Variants in PRR33 observed in about 807,000 individuals in gnomAD.
PRR33 encodes proline-rich protein 33.
A neutral mutation model predicts 0.5 loss-of-function variants in PRR33; 1 was observed. The observed-to-expected ratio is 2.18, with a 90% CI of 0.77 to 10.34. The LOEUF (loss-of-function observed/expected upper bound fraction) is 10.34, where lower values mean the gene tolerates loss of function less well. Ranked by LOEUF, PRR33 falls within the 30% of genes most tolerant of loss-of-function variation. The probability of loss-of-function intolerance (pLI) is 0.13; values close to 1 mark genes in which losing one functional copy is unlikely to be tolerated. For missense variants in PRR33, 552 were observed against 251.8 expected (o/e 2.19, Z -8.07); for synonymous variants, 226 against 110.0 (o/e 2.06, Z -6.60).
the PRR33 span, among the ~76,000 whole-genome samples, chr11:1,903,709 G>A: frequency 2.6e-5 from 4 of 152,106 alleles, no homozygotes; most frequent in Non-Finnish European, 5.9e-5. Context: ...GAAGGTGCTC[G>A]GTTTTTCAGA....
chr11:1,912,900 G>A, the PRR33 span, among the ~76,000 whole-genome samples: 1 of 152,156 alleles, frequency 6.6e-6, no homozygotes, highest in African/African-American at 2.4e-5. Context: ...GAGCCACTGC[G>A]CCCGGCCAAC....
the PRR33 span, among the ~76,000 whole-genome samples, chr11:1,909,444 C>G: frequency 6.6e-6 from 1 of 151,932 alleles, no homozygotes; most frequent in Non-Finnish European, 1.5e-5. Flanking sequence ...AACCCCATCT[C>G]TACTAAAAAT....
At chr11:1,895,660 G>T (rs1226822044), upstream of PRR33, among the ~76,000 whole-genome samples, 1 of 152,042 alleles carries the variant, frequency 6.6e-6, no homozygotes, top group Non-Finnish European at 1.5e-5. Flanking sequence ...TGTTTTTATG[G>T]CTCCAGCTTT....
At chr11:1,891,725 C>T (rs1849008828) in exon 1 of PRR33, 1 of 152,742 alleles carries the variant, frequency 6.5e-6, no homozygotes, top group Non-Finnish European at 1.5e-5. Flanking sequence ...TGTGGCCCCT[C>T]CCTGGACCCT....
At chr11:1,915,419 C>T in the PRR33 span, among the ~76,000 whole-genome samples, 7 of 134,914 alleles carry the variant, frequency 5.2e-5, no homozygotes, top group Admixed American at 3.0e-4. Context: ...GTATGTTGTG[C>T]GGTCACGCAC....
At chr11:1,910,075 A>G in the PRR33 span, among the ~76,000 whole-genome samples, 2 of 152,188 alleles carry the variant, frequency 1.3e-5, no homozygotes, top group African/African-American at 2.4e-5. Context: ...GTCAGCTGTA[A>G]TCGTGCAGAA....
chr11:1,913,353 A>G, the PRR33 span, among the ~76,000 whole-genome samples: 96 of 145,826 alleles, frequency 6.6e-4, 1 homozygote, highest in Middle Eastern at 3.7e-3. Context: ...ACCGTGTGTT[A>G]GCCAGGCTGG....
At chr11:1,906,080 C>T in the PRR33 span, among the ~76,000 whole-genome samples, 3 of 151,092 alleles carry the variant, frequency 2.0e-5, no homozygotes, top group Non-Finnish European at 3.0e-5. Context: ...CCTCTACCAG[C>T]CTCTAAAAGT....
the PRR33 span, chr11:1,907,835 A>C: frequency 6.6e-6 from 1 of 151,960 alleles, no homozygotes; most frequent in Admixed American, 6.6e-5. Flanking sequence ...TCCCCAGTGC[A>C]TACCTGATTT....
At chr11:1,908,714 G>T in the PRR33 span, among the ~76,000 whole-genome samples, 1 of 152,110 alleles carries the variant, frequency 6.6e-6, no homozygotes, top group Admixed American at 6.6e-5. Flanking sequence ...CTCTCTGGGG[G>T]CTCCTAGGAA....
At chr11:1,915,768 T>C in the PRR33 span, among the ~76,000 whole-genome samples, 4 of 45,736 alleles carry the variant, frequency 8.7e-5, no homozygotes, top group South Asian at 7.5e-4. Flanking sequence ...GAGGGATGGA[T>C]GGATGAAGGG....
upstream of PRR33, among the ~76,000 whole-genome samples, chr11:1,894,651 G>A (rs931666443): frequency 6.6e-6 from 1 of 152,108 alleles, no homozygotes; most frequent in African/African-American, 2.4e-5. Flanking sequence ...TGCTGTGTCT[G>A]TTGTAAACAC....
the PRR33 span, among the ~76,000 whole-genome samples, chr11:1,914,479 T>TTGTG: frequency 4.9e-4 from 71 of 145,990 alleles, no homozygotes; most frequent in South Asian, 6.6e-4. Context: ...ATGTTTTTCT[T>TTGTG]TGTGTGTGTG....
the PRR33 span, among the ~76,000 whole-genome samples, chr11:1,897,491 A>G: frequency 1.3e-5 from 2 of 152,338 alleles, no homozygotes; most frequent in African/African-American, 4.8e-5. This position sits in a 1 kb window ranked among gnomAD's most constrained non-coding sequence, Gnocchi z 4.0. Flanking sequence ...CTGCTTCCGT[A>G]AAGCTTCGGT....
chr11:1,904,674 AT>A, the PRR33 span, among the ~76,000 whole-genome samples: 1 of 151,018 alleles, frequency 6.6e-6, no homozygotes, highest in Admixed American at 6.6e-5. Flanking sequence ...CACCCAGCTA[AT>A]TTTTGCATTT....
At chr11:1,895,840 T>C (rs1049722144), upstream of PRR33, among the ~76,000 whole-genome samples, 1 of 152,216 alleles carries the variant, frequency 6.6e-6, no homozygotes, top group Non-Finnish European at 1.5e-5. Flanking sequence ...GAGTCGCCTT[T>C]GCACCTTTGT....
exon 1 of PRR33, chr11:1,888,892 C>T (rs1405421290): frequency 2.3e-6 from 1 of 426,316 alleles, no homozygotes; most frequent in Admixed American, 3.9e-5. Flanking sequence ...GACGCAGACC[C>T]CTTCTCTGTT....
the PRR33 span, among the ~76,000 whole-genome samples, chr11:1,908,691 A>T: frequency 2.7e-5 from 4 of 150,024 alleles, no homozygotes; most frequent in African/African-American, 4.9e-5. Context: ...CTTTCTGAAA[A>T]CTCTTCCGCC....
chr11:1,890,077 C>T, exon 1 of PRR33: 2 of 714,728 alleles, frequency 2.8e-6, no homozygotes, highest in South Asian at 1.5e-5. Flanking sequence ...CCCCCAGAGA[C>T]AGGGACGAAG....
Sources: allele counts gnomAD v4.1 joint callset (sites outside exome capture counted in the v4.1 genomes callset), GRCh38; gene constraint gnomAD v4.1.1; non-coding constraint Gnocchi (gnomAD v3.1); transcripts MANE v1.5; gene names NCBI Gene and HGNC (gene_info 2026-07-23, HGNC 2026-07-21).